The following SLC30A8 variants were observed in gnomAD, a reference collection of about 807,000 sequenced individuals.
SLC30A8 encodes the protein solute carrier family 30 member 8, also known as proton-coupled zinc antiporter SLC30A8.
Under a neutral mutation model 36.9 loss-of-function variants are expected in SLC30A8, and 27 were observed. The observed-to-expected ratio is 0.73, with a 90% CI of 0.54 to 1.01. SLC30A8 has a LOEUF of 1.01. SLC30A8 is among the 50% of genes least tolerant of loss of function. The pLI, the probability that SLC30A8 is intolerant of heterozygous loss-of-function variation, is 0.00. For synonymous variants in SLC30A8, 164 were observed against 172.4 expected, an observed-to-expected ratio of 0.95 and a Z score of 0.38; for missense variants, 439 against 452.0, an observed-to-expected ratio of 0.97 and a Z score of 0.26.
At chr8:117,016,389 T>G (rs1169307368) in intron 1 of SLC30A8, among the ~76,000 whole-genome samples, 1 of 152,172 alleles carries the variant, frequency 6.6e-6, no homozygotes, top group Non-Finnish European at 1.5e-5. Flanking sequence ...ATAGTTGGGC[T>G]GGGCACTGCA....
intron 1 of SLC30A8, among the ~76,000 whole-genome samples, chr8:116,968,825 C>T (rs761534881): frequency 3.3e-5 from 5 of 152,080 alleles, no homozygotes; most frequent in African/African-American, 4.8e-5. Flanking sequence ...CAATCTCAGC[C>T]TCCTGGGTTG....
chr8:117,026,869 G>A (rs1047138009), intron 1 of SLC30A8, among the ~76,000 whole-genome samples: 6 of 152,134 alleles, frequency 3.9e-5, no homozygotes, highest in Non-Finnish European at 8.8e-5. Flanking sequence ...GGGATCTATA[G>A]AGATTAGGTG....
At chr8:116,998,862 T>A (rs1481101271) in intron 1 of SLC30A8, among the ~76,000 whole-genome samples, 1 of 152,214 alleles carries the variant, frequency 6.6e-6, no homozygotes, top group African/African-American at 2.4e-5. Flanking sequence ...GAGTATGGCC[T>A]TGCTGACACC....
intron 1 of SLC30A8, among the ~76,000 whole-genome samples, chr8:117,023,076 T>C (rs201944955): frequency 3.9e-5 from 6 of 152,106 alleles, no homozygotes; most frequent in Admixed American, 2.0e-4. Context: ...TATGAACAGA[T>C]ACTTCTCAAA....
chr8:117,136,355 A>C (rs1245767870), intron 1 of SLC30A8, among the ~76,000 whole-genome samples: 2 of 152,034 alleles, frequency 1.3e-5, no homozygotes, highest in Admixed American at 1.3e-4. Flanking sequence ...AAAGGAACAC[A>C]TTCAGTGAAT....
At chr8:117,027,885 C>T (rs1816920725) in intron 1 of SLC30A8, among the ~76,000 whole-genome samples, 1 of 152,170 alleles carries the variant, frequency 6.6e-6, no homozygotes. Context: ...CTGTCATTTA[C>T]AGTGTGACCT....
intron 1 of SLC30A8, among the ~76,000 whole-genome samples, chr8:116,957,745 G>A (rs1814266939): frequency 6.6e-6 from 1 of 152,174 alleles, no homozygotes; most frequent in Non-Finnish European, 1.5e-5. Flanking sequence ...TATTTCTATT[G>A]TGGGATTGTA....
intron 1 of SLC30A8, among the ~76,000 whole-genome samples, chr8:116,986,457 A>G (rs1815447283): frequency 6.6e-6 from 1 of 152,204 alleles, no homozygotes; most frequent in Admixed American, 6.5e-5. Flanking sequence ...TAGAAAGGGC[A>G]GTTCTACCTA....
At chr8:117,070,150 A>G (rs1049471740) in intron 2 of SLC30A8, among the ~76,000 whole-genome samples, 2 of 152,204 alleles carry the variant, frequency 1.3e-5, no homozygotes, top group Non-Finnish European at 2.9e-5. Flanking sequence ...ATATCTGTTA[A>G]TGATTGCTGA....
intron 2 of SLC30A8, among the ~76,000 whole-genome samples, chr8:117,092,726 C>G (rs143886920): frequency 6.6e-6 from 1 of 152,166 alleles, no homozygotes; most frequent in Admixed American, 6.5e-5. Flanking sequence ...GACCCTGGTA[C>G]AAGCTGGGGA....
intron 2 of SLC30A8, among the ~76,000 whole-genome samples, chr8:117,059,410 T>C (rs186144744): frequency 1.4e-4 from 21 of 152,328 alleles, no homozygotes; most frequent in Admixed American, 1.4e-3. Flanking sequence ...TGTAAAATCC[T>C]AGCTTAAAAT....
chr8:116,978,839 C>T (rs1691595502), intron 1 of SLC30A8, among the ~76,000 whole-genome samples: 1 of 152,134 alleles, frequency 6.6e-6, no homozygotes, highest in African/African-American at 2.4e-5. Context: ...TGCATATGCT[C>T]ACCTATATGT....
intron 2 of SLC30A8, among the ~76,000 whole-genome samples, chr8:117,059,895 T>C (rs926143237): frequency 2.0e-5 from 3 of 152,100 alleles, no homozygotes; most frequent in Non-Finnish European, 4.4e-5. Context: ...GGGGTCGTTT[T>C]CCCAGTAGGC....
At chr8:117,002,337 G>T (rs1816037781) in intron 1 of SLC30A8, among the ~76,000 whole-genome samples, 1 of 152,060 alleles carries the variant, frequency 6.6e-6, no homozygotes, top group South Asian at 2.1e-4. Context: ...AGCCCTCAAT[G>T]GAATTCTTTC....
At chr8:116,974,965 T>A (rs1312200577) in intron 1 of SLC30A8, among the ~76,000 whole-genome samples, 1 of 142,730 alleles carries the variant, frequency 7.0e-6, no homozygotes, top group African/African-American at 2.6e-5. Context: ...ATGTTCTCAC[T>A]CATAGGTGGG....
intron 2 of SLC30A8, among the ~76,000 whole-genome samples, chr8:117,094,280 G>C (rs965043225): frequency 6.6e-6 from 1 of 152,352 alleles, no homozygotes; most frequent in East Asian, 1.9e-4. Context: ...CCTGTGTCCA[G>C]GAAGAATGAA....
At chr8:117,164,715 G>A (rs1362101973) in intron 6 of SLC30A8, among the ~76,000 whole-genome samples, 1 of 152,168 alleles carries the variant, frequency 6.6e-6, no homozygotes, top group Non-Finnish European at 1.5e-5. Context: ...TCTTATTAGA[G>A]ATCTTAACAC....
At position 117,075,497 on chromosome 8, in the gene SLC30A8, T is replaced by C. The variant is rs776854551; in HGVS notation, c.-226+36239T>C. Among the ~76,000 whole-genome samples the C allele has an allele frequency of 2.0e-5, 3 of 152,244 alleles. No individual in the cohort carries two copies. The South Asian group carries it at 6.2e-4, about 31-fold the overall frequency. On this transcript the variant is annotated intron_variant, in intron 2 of 10. Coordinates refer to the SLC30A8 transcript ENST00000427715. ...TGCTTTGCAGTCTCAAGGACTCTTA[T>C]ACCAACAACTTCCTTTCCTCTTGAG...
chr8:117,108,621 T>C (rs927484967), intron 2 of SLC30A8, among the ~76,000 whole-genome samples: 1 of 152,156 alleles, frequency 6.6e-6, no homozygotes, highest in African/African-American at 2.4e-5. Flanking sequence ...GAAACCAAGG[T>C]ATATAGCCTG....
Sources: gnomAD v4.1 joint callset for allele counts (sites outside exome capture counted in the v4.1 genomes callset) on GRCh38, gnomAD v4.1.1 for gene constraint, MANE v1.5 for transcripts, NCBI Gene and HGNC (gene_info 2026-07-23, HGNC 2026-07-21) for gene names.